Variants in AZIN1 observed in about 807,000 individuals in gnomAD.
The protein encoded by AZIN1 is ornithine decarboxylase antizyme inhibitor.
In AZIN1, 12 loss-of-function variants were observed where a neutral mutation model predicts 47.4. The ratio of observed to expected loss-of-function variants is 0.25; its 90% CI spans 0.16 to 0.41. The LOEUF (loss-of-function observed/expected upper bound fraction) is 0.41. Ranked by LOEUF, AZIN1 falls within the 10% of genes least tolerant of loss-of-function variation. The pLI is 1.00. For missense variants in AZIN1, 410 were observed against 532.4 expected, an observed-to-expected ratio of 0.77 and a Z score of 2.26; for synonymous variants, 155 against 176.3, an observed-to-expected ratio of 0.88 and a Z score of 0.96.
rs932840969 is a variant in AZIN1 at position 102,864,101 on chromosome 8, C to G, written c.-528G>C. 1 of 174,082 alleles carries G rather than the reference C, an allele frequency of 5.7e-6. No homozygotes were observed. The highest frequency in any genetic ancestry group is 2.4e-5 in the African/African-American group (1 of 41,528). The allele number at this position is 174,082 out of a possible 1,614,324, so 10.8% of individuals were successfully genotyped here. On this transcript the variant is annotated 5_prime_UTR_variant, in exon 1 of 12. Coordinates refer to ENST00000337198, the MANE Select transcript of AZIN1 (RefSeq NM_148174.4). ...CAGAGCGAGAAAGGATGAGAAGAGG[C>G]AGAGAAGGCGACGGCAGAAGAAAAA...
At position 102,863,902 on chromosome 8, in the gene AZIN1, G is replaced by C. The variant is rs188259277; in HGVS notation, c.-329C>G. 6.5e-6 allele frequency: 1 copy of C among 153,050 alleles called. No individual in the cohort carries two copies. Among genetic ancestry groups the C allele is most frequent in the African/African-American group, 2.4e-5 (1 of 41,594 alleles). 9.5% of individuals were successfully genotyped at this position (153,050 alleles called of 1,614,324 possible). A position where few individuals can be genotyped will look rare whatever the true frequency, so the allele number is the denominator to read the frequency against. Reference sequence around the variant, plus strand: ...GGTTACCTTGAGCAGAAATACCCAAGGCGGCCTGGGCCATAGGCTGCGGGA... The same window carrying C: ...GGTTACCTTGAGCAGAAATACCCAACGCGGCCTGGGCCATAGGCTGCGGGA... On this transcript the variant is annotated 5_prime_UTR_variant, in exon 1 of 12. Coordinates refer to ENST00000337198, the MANE Select transcript of AZIN1 (RefSeq NM_148174.4).
intron 8 of AZIN1, among the ~76,000 whole-genome samples, chr8:102,833,518 G>A (rs1811606665): frequency 6.6e-6 from 1 of 151,732 alleles, no homozygotes; most frequent in African/African-American, 2.4e-5. Context: ...AAAAACAGAA[G>A]TAAAATTTTC....
At chr8:102,839,858 C>CA (rs1812068138) in intron 3 of AZIN1, 35 bp from the exon 4 acceptor site, 10 of 1,486,208 alleles carry the variant, frequency 6.7e-6, no homozygotes, top group Middle Eastern at 1.8e-4. Flanking sequence ...CAAATATGAA[C>CA]AAAAAACCAT....
intron 5 of AZIN1, among the ~76,000 whole-genome samples, chr8:102,837,187 T>C (rs1230819655): frequency 3.3e-5 from 5 of 152,218 alleles, no homozygotes; most frequent in Non-Finnish European, 7.3e-5. Context: ...CCCCAAGTGC[T>C]GGGATTACAG....
At chr8:102,841,578 C>T (rs551897040) in intron 3 of AZIN1, among the ~76,000 whole-genome samples, 7 of 152,094 alleles carry the variant, frequency 4.6e-5, no homozygotes, top group South Asian at 2.1e-4. Context: ...ACCAATATGT[C>T]AAGTTTTAAC....
rs1377536838 is a variant in AZIN1, at chr8:102,829,603, G to C, written c.1021-117C>G. ...AATGTGCTCATGGAAAAAAGGCCTA[G>C]AGCCAAGGGCAGGGTGCTACTTAAG... On this transcript the variant is annotated intron_variant, in intron 10 of 11. Coordinates refer to ENST00000337198, the MANE Select transcript of AZIN1 (RefSeq NM_148174.4). 3 of 1,034,804 alleles carry C rather than the reference G, an allele frequency of 2.9e-6. No homozygotes were observed. The East Asian group carries it at 7.1e-5, about 25-fold the overall frequency. The allele number at this position is 1,034,804 out of a possible 1,614,324, so 64.1% of individuals were successfully genotyped here.
intron 2 of AZIN1, among the ~76,000 whole-genome samples, chr8:102,854,242 A>C (rs774624019): frequency 5.9e-5 from 9 of 152,096 alleles, no homozygotes; most frequent in Non-Finnish European, 1.3e-4. Context: ...CCCAGCGGAC[A>C]ACCTCCCTTT....
At chr8:102,834,886 G>A in intron 6 of AZIN1, 139 bp from the exon 7 acceptor site, 2 of 597,284 alleles carry the variant, frequency 3.3e-6, no homozygotes, top group South Asian at 4.7e-5. Flanking sequence ...AGTATTAGAA[G>A]CATTAGCTTC....
At chr8:102,833,837 T>C (rs112279744) in intron 8 of AZIN1, among the ~76,000 whole-genome samples, 2,997 of 139,750 alleles carry the variant, frequency 0.021, 96 homozygotes, top group African/African-American at 0.075. Flanking sequence ...TTGGAAGCTA[T>C]AGTGAGCTAT....
At chr8:102,851,721 T>G (rs577883938) in intron 2 of AZIN1, among the ~76,000 whole-genome samples, 14 of 152,128 alleles carry the variant, frequency 9.2e-5, no homozygotes, top group South Asian at 4.1e-4. Flanking sequence ...AAGAAAGAAA[T>G]AAGATGTAAT....
At chr8:102,848,076 CA>C (rs1812685573) in intron 2 of AZIN1, among the ~76,000 whole-genome samples, 1 of 152,164 alleles carries the variant, frequency 6.6e-6, no homozygotes, top group Admixed American at 6.5e-5. Flanking sequence ...CACTGTGTTA[CA>C]ACTGTCAACA....
chr8:102,851,604 G>A (rs1295592954), intron 2 of AZIN1, among the ~76,000 whole-genome samples: 1 of 152,128 alleles, frequency 6.6e-6, no homozygotes, highest in Admixed American at 6.5e-5. Flanking sequence ...TACTTGGGAG[G>A]CTGAGGCAGG....
intron 2 of AZIN1, among the ~76,000 whole-genome samples, chr8:102,844,782 G>A (rs1812456907): frequency 6.6e-6 from 1 of 152,134 alleles, no homozygotes; most frequent in Admixed American, 6.5e-5. Flanking sequence ...TACATCCTGA[G>A]CCAGTTACTA....
chr8:102,856,909 G>T (rs1314838700), intron 2 of AZIN1, among the ~76,000 whole-genome samples: 1 of 152,104 alleles, frequency 6.6e-6, no homozygotes, highest in Non-Finnish European at 1.5e-5. Flanking sequence ...TGTTCTAGGT[G>T]AGGATGCTAA....
At chr8:102,851,776 T>G (rs1812934413) in intron 2 of AZIN1, among the ~76,000 whole-genome samples, 1 of 152,212 alleles carries the variant, frequency 6.6e-6, no homozygotes, top group Admixed American at 6.5e-5. Flanking sequence ...TGTTTAGACC[T>G]TCTCTAATCA....
At chr8:102,854,626 A>ATATATTT (rs748560222) in intron 2 of AZIN1, 1 of 136,698 alleles carries the variant, frequency 7.3e-6, no homozygotes, top group Non-Finnish European at 1.5e-5. Context: ...ATATATATAT[A>ATATATTT]TTTTTTTTCC....
In AZIN1 at chr8:102,834,672, G is replaced by A. The variant is rs750222537; in HGVS notation, c.660C>T (p.Asp220=). ...CTTAAAAGAAAGAACTTACAGCCAT[G>A]TCAAACACACATCGAGCATCAGATA... is the stretch of plus-strand genomic sequence containing the variant. The part of the protein sequence containing the change: ...HALSDARCVF[D]MAGEIGFTMN... Residue 220 remains aspartate, a synonymous_variant, in exon 7 of 12, where the codon GAC becomes GAT. Transcript: ENST00000337198. 1.4e-5 allele frequency: 22 copies of A among 1,602,732 alleles called. No homozygotes were observed. Among genetic ancestry groups the A allele is most frequent in the Admixed American group, 1.7e-5 (1 of 58,654 alleles).
intron 6 of AZIN1, 29 bp from the exon 7 acceptor site, chr8:102,834,776 G>T (rs368044057): frequency 7.9e-6 from 12 of 1,526,184 alleles, no homozygotes; most frequent in Middle Eastern, 1.7e-4. Context: ...TAAATTTAAA[G>T]GAGCAGAAAG....
At chr8:102,832,075 A>G (rs940968131) in intron 9 of AZIN1, among the ~76,000 whole-genome samples, 1 of 152,196 alleles carries the variant, frequency 6.6e-6, no homozygotes, top group Non-Finnish European at 1.5e-5. Context: ...TAAAAAATTA[A>G]TCATGAGGAA....
Sources: allele counts gnomAD v4.1 joint callset (sites outside exome capture counted in the v4.1 genomes callset), GRCh38; gene constraint gnomAD v4.1.1; transcripts MANE v1.5; gene names NCBI Gene and HGNC (gene_info 2026-07-23, HGNC 2026-07-21).